OR51E2: variants seen among roughly 807,000 people sequenced by gnomAD.
OR51E2 encodes olfactory receptor family 51 subfamily E member 2, also known as olfactory receptor 51E2.
Under a neutral mutation model 13.7 loss-of-function variants are expected in OR51E2, and 14 were observed. The observed-to-expected ratio is 1.02, with a 90% CI of 0.68 to 1.60. The LOEUF (loss-of-function observed/expected upper bound fraction) is 1.60. Ranked by LOEUF, OR51E2 falls within the 40% of genes most tolerant of loss-of-function variation. OR51E2 has a pLI of 0.00. For missense variants in OR51E2, 483 were observed against 413.8 expected, an observed-to-expected ratio of 1.17 and a Z score of -1.45; for synonymous variants, 180 against 157.6, an observed-to-expected ratio of 1.14 and a Z score of -1.07.
chr11:4,693,719 T>C (rs1266520296), intron 1 of OR51E2, among the ~76,000 whole-genome samples: 2 of 151,916 alleles, frequency 1.3e-5, no homozygotes, highest in African/African-American at 2.4e-5. Flanking sequence ...GAGACTCCGT[T>C]TCAAAAAACA....
At position 4,682,292 on chromosome 11, in the gene OR51E2, T is replaced by C; in HGVS notation, c.420A>G (p.Thr140=). The change falls in exon 2 of 2, where the codon ACA becomes ACG. Residue 140 remains threonine, a synonymous_variant. Coordinates refer to ENST00000396950, the MANE Select transcript of OR51E2 (RefSeq NM_030774.4). ...CCACAGCCACGATGCCAATCTGGGC[T>C]GTTACTGTATTGTTGAGCACTGCAG... is the stretch of plus-strand genomic sequence containing the variant. ...RHAAVLNNTV[T]AQIGIVAVVR... 6.2e-7 allele frequency: 1 copy of C among 1,614,148 alleles called. No homozygotes were observed. Among genetic ancestry groups the C allele is most frequent in the Non-Finnish European group, 8.5e-7 (1 of 1,180,012 alleles).
chr11:4,687,383 G>A (rs1246815779), intron 1 of OR51E2, among the ~76,000 whole-genome samples: 1 of 152,088 alleles, frequency 6.6e-6, no homozygotes, highest in African/African-American at 2.4e-5. Flanking sequence ...GTTTTATGTT[G>A]GGAAGTGGAA....
intron 1 of OR51E2, among the ~76,000 whole-genome samples, chr11:4,697,237 T>C (rs965599435): frequency 2.0e-5 from 3 of 152,206 alleles, no homozygotes; most frequent in African/African-American, 7.2e-5. Flanking sequence ...TTTACTGAAA[T>C]CTACAAGTAA....
chr11:4,682,879 C>G, intron 1 of OR51E2, 118 bp from the exon 2 acceptor site: 2 of 648,776 alleles, frequency 3.1e-6, no homozygotes, highest in Non-Finnish European at 5.2e-6. Flanking sequence ...GGCCCTCTTC[C>G]AAAGGCGGGA....
In OR51E2 at chr11:4,682,546, C is replaced by A. The variant is rs147309967; in HGVS notation, c.166G>T (p.Ala56Ser). The change falls in exon 2 of 2, where the codon GCT becomes TCT. Residue 56 changes from alanine to serine, a missense_variant. Ala to Ser is a moderately conservative substitution (Grantham distance 99, BLOSUM62 1). Transcript: ENST00000396950. ...FIVRTERSLH[A>S]PMYLFLCMLA... ...ATGCAGAGAAAGAGGTACATCGGAG[C>A]GTGCAGGCTGCGTTCCGTCCTTACG... The A allele has an allele frequency of 2.1e-4, 337 of 1,614,184 alleles. No homozygotes were observed. In the East Asian group the frequency reaches 6.2e-3, roughly 30 times the overall value.
At chr11:4,684,411 C>A (rs903156) in intron 1 of OR51E2, among the ~76,000 whole-genome samples, 134,166 of 152,068 alleles carry the variant, frequency 0.88, 60,597 homozygotes, top group Non-Finnish European at 0.97. Context: ...GGATATAGAA[C>A]TTTAAACAAA....
rs1254278488 is a variant in OR51E2, at chr11:4,680,217, A to G, written c.*1532T>C. The stretch of plus-strand genomic sequence containing the variant: ...TTTTATCTTATACTCAAGTTCAGAC[A>G]ATAGCATGTGGTGTACATTCAAAAT... On this transcript the variant is annotated 3_prime_UTR_variant, in exon 2 of 2. Transcript: ENST00000396950. The G allele has an allele frequency of 2.0e-5, 3 of 152,242 alleles. No individual in the cohort carries two copies. Among genetic ancestry groups the G allele is most frequent in the Admixed American group, 2.0e-4 (3 of 15,282 alleles). 9.4% of individuals were successfully genotyped at this position (152,242 alleles called of 1,614,324 possible).
chr11:4,682,914 G>A (rs189169654), intron 1 of OR51E2, among the ~76,000 whole-genome samples, 153 bp from the exon 2 acceptor site: 5 of 152,186 alleles, frequency 3.3e-5, no homozygotes, highest in African/African-American at 1.2e-4. Context: ...ATTCATTTAT[G>A]CATCACTACT....
intron 1 of OR51E2, chr11:4,691,505 G>A (rs1400521060): frequency 2.2e-6 from 1 of 456,660 alleles, no homozygotes; most frequent in Non-Finnish European, 4.4e-6. Context: ...CGGACAGCAT[G>A]GAGAGGAAAT....
chr11:4,688,555 G>A lies in OR51E2; in HGVS notation c.-50-5794C>T, dbSNP rs116640855. ...TTTATAGTGACTGTGAATTTTTCCT[G>A]GGTAAGACAGGATGCCCTTGGGGTA... On this transcript the variant is annotated intron_variant, in intron 1 of 1. Coordinates refer to ENST00000396950, the MANE Select transcript of OR51E2 (RefSeq NM_030774.4). Among the ~76,000 whole-genome samples the A allele has an allele frequency of 4.2e-3, 633 of 152,210 alleles. 4 individuals carry two copies. Among genetic ancestry groups the A allele is most frequent in the African/African-American group, 0.012 (501 of 41,524 alleles).
intron 1 of OR51E2, among the ~76,000 whole-genome samples, chr11:4,693,984 G>A (rs1847620441): frequency 6.6e-6 from 1 of 152,154 alleles, no homozygotes; most frequent in African/African-American, 2.4e-5. Context: ...AAAGTACAGA[G>A]GGGCTCCATT....
intron 1 of OR51E2, among the ~76,000 whole-genome samples, chr11:4,696,060 G>A (rs1012992843): frequency 1.3e-5 from 2 of 152,154 alleles, no homozygotes; most frequent in Non-Finnish European, 2.9e-5. Context: ...CGTAAAGGTA[G>A]TAATGAGACA....
intron 1 of OR51E2, among the ~76,000 whole-genome samples, chr11:4,694,531 C>T (rs34760626): frequency 0.8 from 117,142 of 147,036 alleles, 47,014 homozygotes; most frequent in South Asian, 0.91. Flanking sequence ...TACACACACA[C>T]ATATATACGT....
At chr11:4,692,594 A>C (rs1803605970) in intron 1 of OR51E2, among the ~76,000 whole-genome samples, 1 of 152,342 alleles carries the variant, frequency 6.6e-6, no homozygotes, top group Admixed American at 6.5e-5. Context: ...GAATTGCAGA[A>C]AGGTAGATAG....
intron 1 of OR51E2, among the ~76,000 whole-genome samples, chr11:4,693,708 C>T (rs1261204006): frequency 6.6e-6 from 1 of 151,914 alleles, no homozygotes; most frequent in East Asian, 1.9e-4. Flanking sequence ...GGCGACAGAG[C>T]GAGACTCCGT....
At chr11:4,688,563 C>G (rs114207149) in intron 1 of OR51E2, among the ~76,000 whole-genome samples, 125 of 152,168 alleles carry the variant, frequency 8.2e-4, no homozygotes, top group African/African-American at 2.9e-3. Flanking sequence ...CTGGGTAAGA[C>G]AGGATGCCCT....
chr11:4,697,469 G>A (rs750003627), intron 1 of OR51E2, among the ~76,000 whole-genome samples, 184 bp downstream of exon 1: 5 of 152,168 alleles, frequency 3.3e-5, no homozygotes, highest in South Asian at 2.1e-4. Flanking sequence ...CAGGCAGAAC[G>A]AAATACCCAT....
At chr11:4,695,913 G>A (rs1289302783) in intron 1 of OR51E2, among the ~76,000 whole-genome samples, 1 of 151,766 alleles carries the variant, frequency 6.6e-6, no homozygotes, top group Non-Finnish European at 1.5e-5. Flanking sequence ...GAGATATCTT[G>A]GTTATTCTCA....
intron 1 of OR51E2, among the ~76,000 whole-genome samples, chr11:4,694,542 A>ACG (rs747475194): frequency 9.4e-5 from 13 of 137,896 alleles, no homozygotes; most frequent in African/African-American, 1.6e-4. Context: ...ATATATACGT[A>ACG]TATATATATA....
Sources: gnomAD v4.1 joint callset for allele counts (sites outside exome capture counted in the v4.1 genomes callset) on GRCh38, gnomAD v4.1.1 for gene constraint, MANE v1.5 for transcripts, NCBI Gene and HGNC (gene_info 2026-07-23, HGNC 2026-07-21) for gene names.